AVEN: variants seen among roughly 807,000 people sequenced by gnomAD.
AVEN encodes apoptosis and caspase activation inhibitor.
In AVEN, 41 loss-of-function variants were observed where a neutral mutation model predicts 38.1. The observed-to-expected ratio is 1.08, with a 90% CI of 0.84 to 1.40. The LOEUF (loss-of-function observed/expected upper bound fraction) is 1.40. AVEN is among the 40% of genes most tolerant of loss of function. AVEN has a pLI of 0.00. For synonymous variants in AVEN, 206 were observed against 171.8 expected (o/e 1.20, Z -1.56); for missense variants, 605 against 438.8 (o/e 1.38, Z -3.38).
chr15:34,022,392 A>G (rs747642531), intron 1 of AVEN, among the ~76,000 whole-genome samples: 19 of 152,200 alleles, frequency 1.2e-4, no homozygotes, highest in Non-Finnish European at 2.8e-4. Context: ...CTCTCCCAAC[A>G]TTAGGGAGGA....
intron 2 of AVEN, among the ~76,000 whole-genome samples, chr15:33,974,789 A>G (rs998906499): frequency 6.6e-6 from 1 of 152,180 alleles, no homozygotes; most frequent in Non-Finnish European, 1.5e-5. Context: ...CCTGGCCAAC[A>G]TGTTGAAACC....
At chr15:33,924,604 G>A (rs1893543568) in intron 2 of AVEN, among the ~76,000 whole-genome samples, 1 of 152,170 alleles carries the variant, frequency 6.6e-6, no homozygotes, top group African/African-American at 2.4e-5. Context: ...TTATAGGCGT[G>A]AGCCACCACA....
intron 1 of AVEN, among the ~76,000 whole-genome samples, chr15:34,030,220 T>C (rs1898707512): frequency 6.6e-6 from 1 of 151,722 alleles, no homozygotes; most frequent in African/African-American, 2.4e-5. Context: ...CACCACTGCA[T>C]TCCAGCCTGG....
At chr15:33,924,662 C>T (rs1053974564) in intron 2 of AVEN, among the ~76,000 whole-genome samples, 9 of 152,168 alleles carry the variant, frequency 5.9e-5, no homozygotes, top group Non-Finnish European at 8.8e-5. Flanking sequence ...TTGTCTTATA[C>T]TATTTTATCA....
downstream of AVEN, chr15:33,854,288 G>T (rs2079413687): frequency 1.2e-6 from 1 of 850,160 alleles, no homozygotes; most frequent in East Asian, 2.7e-5. Context: ...GCCATATTTA[G>T]GTTATTAAAC....
intron 1 of AVEN, among the ~76,000 whole-genome samples, chr15:34,073,821 AG>A (rs1900680084): frequency 6.6e-6 from 1 of 150,566 alleles, no homozygotes; most frequent in Non-Finnish European, 1.5e-5. Flanking sequence ...GCACCTAGCC[AG>A]GGAGCTCTTA....
intron 2 of AVEN, among the ~76,000 whole-genome samples, chr15:33,912,448 A>G (rs983716686): frequency 1.3e-5 from 2 of 152,208 alleles, no homozygotes; most frequent in African/African-American, 2.4e-5. Flanking sequence ...TAGAAAATCT[A>G]ATTAATTATC....
At chr15:33,935,071 T>C (rs533199378) in intron 2 of AVEN, among the ~76,000 whole-genome samples, 25 of 152,146 alleles carry the variant, frequency 1.6e-4, no homozygotes, top group Non-Finnish European at 3.2e-4. Flanking sequence ...GGTGGAACGA[T>C]CCATCCAAGT....
intron 2 of AVEN, among the ~76,000 whole-genome samples, chr15:33,962,694 C>A (rs974417012): frequency 6.6e-6 from 1 of 151,570 alleles, no homozygotes. Flanking sequence ...TCTATAATTC[C>A]CCCCTTATCT....
At chr15:34,008,929 AAC>A (rs1186485634) in intron 1 of AVEN, among the ~76,000 whole-genome samples, 1 of 135,210 alleles carries the variant, frequency 7.4e-6, no homozygotes, top group East Asian at 2.1e-4. Flanking sequence ...ATAAAATTAA[AAC>A]ACACACTCAC....
At chr15:34,029,447 G>A (rs572868156) in intron 1 of AVEN, among the ~76,000 whole-genome samples, 7 of 149,368 alleles carry the variant, frequency 4.7e-5, no homozygotes, top group African/African-American at 1.0e-4. Context: ...TTGGTAAGCC[G>A]AGGCAGGGGG....
At chr15:33,859,454 G>T in intron 11 of AVEN, 2 of 1,020,024 alleles carry the variant, frequency 2.0e-6, no homozygotes, top group Non-Finnish European at 3.0e-6. Flanking sequence ...CACCTCTGAA[G>T]AGTTCCCCTC....
intron 2 of AVEN, among the ~76,000 whole-genome samples, chr15:33,965,787 A>G (rs147673926): frequency 0.011 from 1,604 of 152,236 alleles, 31 homozygotes; most frequent in African/African-American, 0.037. Context: ...TCCTCCTCAT[A>G]TTTAGGGTGG....
At chr15:33,939,510 C>T (rs1331906201) in intron 2 of AVEN, among the ~76,000 whole-genome samples, 1 of 152,142 alleles carries the variant, frequency 6.6e-6, no homozygotes, top group African/African-American at 2.4e-5. Context: ...CAGAGAAAGA[C>T]AACTCACTGC....
intron 2 of AVEN, among the ~76,000 whole-genome samples, chr15:33,965,541 C>T (rs1895352379): frequency 6.6e-6 from 1 of 151,980 alleles, no homozygotes; most frequent in African/African-American, 2.4e-5. Context: ...CAAAAAAGGA[C>T]CTTGTAAAAG....
chr15:33,905,546 T>G (rs541393383), intron 2 of AVEN, among the ~76,000 whole-genome samples: 9 of 152,346 alleles, frequency 5.9e-5, no homozygotes, highest in Admixed American at 2.0e-4. Context: ...TAAAATTGGC[T>G]GGACGCCAGG....
At chr15:34,046,249 G>A (rs978847531) in intron 5 of AVEN, among the ~76,000 whole-genome samples, 3 of 151,472 alleles carry the variant, frequency 2.0e-5, no homozygotes, top group African/African-American at 2.4e-5. Flanking sequence ...TCCATCAGCC[G>A]TGGAACCTAC....
Position 34,021,841 on chromosome 15 carries a change from G to A in AVEN, c.267+16939C>T, listed in dbSNP as rs536091207. Among the ~76,000 whole-genome samples, 8 of 152,008 alleles carry A rather than the reference G, an allele frequency of 5.3e-5. No homozygotes were observed. In the East Asian group the frequency reaches 1.6e-3, roughly 30 times the overall value. ...CTGCACTCCAGCCTGGGTGGACAGC[G>A]CAAGACTCCATCTCAAAAATAAAAA... On this transcript the variant is annotated intron_variant, in intron 1 of 5. Coordinates refer to ENST00000306730, the MANE Select transcript of AVEN (RefSeq NM_020371.3).
chr15:33,876,444 T>C (rs1891235148), intron 2 of AVEN, among the ~76,000 whole-genome samples: 1 of 116,538 alleles, frequency 8.6e-6, no homozygotes, highest in Admixed American at 8.8e-5. Context: ...TGGTGGCACG[T>C]GCCTATAATC....
Sources: allele counts gnomAD v4.1 joint callset (sites outside exome capture counted in the v4.1 genomes callset), GRCh38; gene constraint gnomAD v4.1.1; transcripts MANE v1.5; gene names NCBI Gene and HGNC (gene_info 2026-07-23, HGNC 2026-07-21).